The following ASTN2 variants were observed in gnomAD, a reference collection of about 807,000 sequenced individuals.
The protein encoded by ASTN2 is astrotactin 2.
A neutral mutation model predicts 139.8 loss-of-function variants in ASTN2; 54 were observed. The ratio of observed to expected loss-of-function variants is 0.39; its 90% CI spans 0.31 to 0.48. The LOEUF (loss-of-function observed/expected upper bound fraction) is 0.48, where lower values mean the gene tolerates loss of function less well. ASTN2 is among the 20% of genes least tolerant of loss of function. ASTN2 has a pLI of 0.95. For synonymous variants in ASTN2, 756 were observed against 719.5 expected (o/e 1.05, Z -0.81); for missense variants, 1,565 against 1,725.1 (o/e 0.91, Z 1.64).
intron 2 of ASTN2, among the ~76,000 whole-genome samples, chr9:117,246,179 C>T (rs1417448459): frequency 3.9e-5 from 6 of 152,048 alleles, no homozygotes; most frequent in African/African-American, 1.4e-4. Context: ...TAAATTGATA[C>T]ACAAATGTGA....
chr9:116,844,575 C>T (rs946504726), intron 11 of ASTN2, among the ~76,000 whole-genome samples: 6 of 151,152 alleles, frequency 4.0e-5, no homozygotes, highest in African/African-American at 1.5e-4. Context: ...AGCCTAATTA[C>T]ACCTACTCAG....
chr9:116,860,900 C>T (rs1362984517), intron 11 of ASTN2, among the ~76,000 whole-genome samples: 1 of 152,076 alleles, frequency 6.6e-6, no homozygotes, highest in African/African-American at 2.4e-5. Context: ...AGAAGGTGAG[C>T]TATGAGAAGA....
chr9:117,318,583 A>T (rs1828220848), intron 1 of ASTN2, among the ~76,000 whole-genome samples: 1 of 152,112 alleles, frequency 6.6e-6, no homozygotes, highest in African/African-American at 2.4e-5. Flanking sequence ...CATGCTGTAC[A>T]CTCTGAAGAA....
chr9:117,269,027 G>A lies in ASTN2; in HGVS notation c.630+22299C>T, dbSNP rs764186658. Among the ~76,000 whole-genome samples, 12 of 152,336 alleles carry A rather than the reference G, an allele frequency of 7.9e-5. 1 individual carries two copies. The highest frequency in any genetic ancestry group is 3.4e-3 in the Middle Eastern group (1 of 294). On this transcript the variant is annotated intron_variant, in intron 2 of 22. Coordinates refer to ENST00000313400, the MANE Select transcript of ASTN2 (RefSeq NM_001365068.1). ...AATTAAGTAGCAGAGCATAAGACAA[G>A]CAATCAGCACAATGCCTAGTGCATG...
At chr9:117,007,963 G>T in intron 7 of ASTN2, 129 bp downstream of exon 7, 1 of 1,014,280 alleles carries the variant, frequency 9.9e-7, no homozygotes, top group Non-Finnish European at 1.4e-6. Flanking sequence ...TTATTAGATT[G>T]ATGGGCCTTC....
At chr9:117,000,051 A>C (rs1415127676) in intron 7 of ASTN2, among the ~76,000 whole-genome samples, 1 of 152,234 alleles carries the variant, frequency 6.6e-6, no homozygotes, top group Non-Finnish European at 1.5e-5. Context: ...ACGTCTCATG[A>C]AATATTTATT....
At chr9:117,079,882 C>T in intron 5 of ASTN2, among the ~76,000 whole-genome samples, 1 of 152,382 alleles carries the variant, frequency 6.6e-6, no homozygotes, top group African/African-American at 2.4e-5. Context: ...CACTTACCAT[C>T]TTCTCCAGGA....
At chr9:116,871,251 C>T (rs1299595382) in intron 10 of ASTN2, among the ~76,000 whole-genome samples, 1 of 152,094 alleles carries the variant, frequency 6.6e-6, no homozygotes, top group African/African-American at 2.4e-5. Flanking sequence ...AAGCGAGACT[C>T]CGTCTCAAAA....
intron 19 of ASTN2, among the ~76,000 whole-genome samples, chr9:116,576,868 C>G (rs1298080122): frequency 6.6e-6 from 1 of 152,160 alleles, no homozygotes; most frequent in Non-Finnish European, 1.5e-5. Context: ...GCTCATCCCA[C>G]CCTTACCTTG....
intron 19 of ASTN2, among the ~76,000 whole-genome samples, chr9:116,568,009 C>CTCTACTGTATACATGAATATTATTA (rs1853321812): frequency 6.6e-6 from 1 of 152,164 alleles, no homozygotes; most frequent in Non-Finnish European, 1.5e-5. Flanking sequence ...TTATTATCAC[C>CTCTACTGTATACATGAATATTATTA]TCACTGTAAA....
At chr9:116,774,614 A>G (rs1179239658) in intron 13 of ASTN2, among the ~76,000 whole-genome samples, 1 of 152,160 alleles carries the variant, frequency 6.6e-6, no homozygotes, top group Middle Eastern at 3.2e-3. Context: ...GTTGGTAAAT[A>G]GCTTTGGTGG....
chr9:117,374,747 G>C (rs750193357), intron 1 of ASTN2, among the ~76,000 whole-genome samples: 1 of 152,156 alleles, frequency 6.6e-6, no homozygotes, highest in Admixed American at 6.6e-5. Flanking sequence ...GAGACCTGGG[G>C]TTAACAGAAG....
At chr9:116,945,482 G>A (rs141527563) in intron 10 of ASTN2, among the ~76,000 whole-genome samples, 98 of 152,232 alleles carry the variant, frequency 6.4e-4, no homozygotes, top group African/African-American at 2.3e-3. Flanking sequence ...GTTAAGACAA[G>A]TCCAAACTGA....
Position 116,698,512 on chromosome 9 carries a change from C to T in ASTN2, c.2806+27259G>A, listed in dbSNP as rs3747834. The T allele has an allele frequency of 1.2e-6, 2 of 1,613,806 alleles. No individual in the cohort carries two copies. The highest frequency in any genetic ancestry group is 2.2e-5 in the East Asian group (1 of 44,872). On this transcript the variant is annotated intron_variant, in intron 16 of 22. Coordinates refer to ENST00000313400, the MANE Select transcript of ASTN2 (RefSeq NM_001365068.1). This position sits in a 1 kb window ranked among gnomAD's most constrained non-coding sequence, Gnocchi z 4.4. ...GCAGATGTAGCACTACTGGAGGAGA[C>T]AGCTGATGAGGAGGAGCCAGAGCTC...
chr9:117,239,120 T>C (rs543577212), intron 2 of ASTN2, among the ~76,000 whole-genome samples: 52 of 152,258 alleles, frequency 3.4e-4, no homozygotes, highest in African/African-American at 1.2e-3. Context: ...GATTCCTGAA[T>C]CCCAAGCTTG....
At chr9:117,333,791 A>G (rs1828790836) in intron 1 of ASTN2, among the ~76,000 whole-genome samples, 1 of 152,186 alleles carries the variant, frequency 6.6e-6, no homozygotes, top group Admixed American at 6.5e-5. Flanking sequence ...GGCGTGATCC[A>G]CTGCACCCGT....
chr9:116,493,427 G>T (rs1849578866), intron 19 of ASTN2, among the ~76,000 whole-genome samples: 1 of 152,134 alleles, frequency 6.6e-6, no homozygotes, highest in Non-Finnish European at 1.5e-5. Context: ...CTCTTCTGGG[G>T]CTGTAACCCG....
chr9:116,621,602 A>G (rs1427362748), intron 17 of ASTN2, among the ~76,000 whole-genome samples: 5 of 152,094 alleles, frequency 3.3e-5, no homozygotes, highest in African/African-American at 1.2e-4. Context: ...TCTGGACACC[A>G]TAACACATAG....
At chr9:116,737,296 A>G (rs1828952065) in intron 13 of ASTN2, among the ~76,000 whole-genome samples, 1 of 152,150 alleles carries the variant, frequency 6.6e-6, no homozygotes, top group Non-Finnish European at 1.5e-5. Flanking sequence ...TGGATGAGAG[A>G]GTAGCTGCTG....
Sources: allele counts gnomAD v4.1 joint callset (sites outside exome capture counted in the v4.1 genomes callset), GRCh38; gene constraint gnomAD v4.1.1; non-coding constraint Gnocchi (gnomAD v3.1); transcripts MANE v1.5; gene names NCBI Gene and HGNC (gene_info 2026-07-23, HGNC 2026-07-21).